The following PKD2 variants were observed in gnomAD, a reference collection of about 807,000 sequenced individuals.
The protein encoded by PKD2 is polycystin 2, transient receptor potential cation channel.
Under a neutral mutation model 105.9 loss-of-function variants are expected in PKD2, and 48 were observed. The ratio of observed to expected loss-of-function variants is 0.45; its 90% CI spans 0.36 to 0.58. PKD2 has a LOEUF of 0.58. PKD2 is among the 20% of genes least tolerant of loss of function. PKD2 has a pLI of 0.00. For synonymous variants in PKD2, 464 were observed against 481.1 expected (o/e 0.96, Z 0.46); for missense variants, 1,078 against 1,255.3 (o/e 0.86, Z 2.13).
intron 10 of PKD2, among the ~76,000 whole-genome samples, chr4:88,063,116 G>A (rs967160180): frequency 2.0e-5 from 3 of 152,242 alleles, no homozygotes; most frequent in Non-Finnish European, 4.4e-5. Flanking sequence ...TCACTGGTCA[G>A]TCATGACACT....
Position 88,029,347 on chromosome 4 carries a change from G to A in PKD2, c.710-6873G>A, listed in dbSNP as rs138306502. Among the ~76,000 whole-genome samples, 108 of 152,088 alleles carry A rather than the reference G, an allele frequency of 7.1e-4. No individual in the cohort carries two copies. In the Middle Eastern group the frequency reaches 0.017, roughly 24 times the overall value. ...AAATAATGCTTCAACTAGTACTTGC[G>A]TGCCAGTGACTCCACGTCCCACTCA... On this transcript the variant is annotated intron_variant, in intron 2 of 14. Transcript: ENST00000237596.
At chr4:88,014,751 A>T (rs1021504812) in intron 1 of PKD2, among the ~76,000 whole-genome samples, 1 of 152,212 alleles carries the variant, frequency 6.6e-6, no homozygotes, top group Non-Finnish European at 1.5e-5. Context: ...GTTCAGATGG[A>T]TTTGAGTCTT....
Position 88,046,714 on chromosome 4 carries a change from A to T in PKD2, c.1392A>T (p.Arg464=). The T allele has an allele frequency of 6.2e-7, 1 of 1,613,664 alleles. No homozygotes were observed. The highest frequency in any genetic ancestry group is 8.5e-7 in the Non-Finnish European group (1 of 1,179,652). Residue 464 remains arginine, a synonymous_variant, in exon 6 of 15, where the codon CGA becomes CGT. Transcript: ENST00000237596. ...AATTTCAGCCTTTAAAGCTGATCCG[A>T]TATGTCACAACTTTTGATTTCTTCC... is the stretch of plus-strand genomic sequence containing the variant. ...SWQFQPLKLI[R]YVTTFDFFLA...
At chr4:88,038,816 G>T (rs2725218) in intron 4 of PKD2, among the ~76,000 whole-genome samples, 2 of 151,932 alleles carry the variant, frequency 1.3e-5, no homozygotes, top group African/African-American at 4.8e-5. Flanking sequence ...TTTTACAGGT[G>T]CAGTAACATC....
intron 2 of PKD2, among the ~76,000 whole-genome samples, chr4:88,030,809 G>C (rs1395919013): frequency 6.6e-6 from 1 of 152,242 alleles, no homozygotes; most frequent in Non-Finnish European, 1.5e-5. Flanking sequence ...CCGACACCTG[G>C]AGAGTCTCAC....
intron 13 of PKD2, among the ~76,000 whole-genome samples, chr4:88,071,685 TAC>T (rs1721038244): frequency 1.3e-5 from 2 of 152,160 alleles, no homozygotes; most frequent in African/African-American, 4.8e-5. Flanking sequence ...TACTTTTTCA[TAC>T]AGTCTGTTTC....
chr4:88,008,336 C>T lies in PKD2; in HGVS notation c.595+8C>T, dbSNP rs1207044000. The stretch of plus-strand genomic sequence containing the variant: ...TGGTTCGCGGGCTGCGAGGTAAGAG[C>T]GCGCGACCCGCAGCGGCAGATGCAC... On this transcript the variant is annotated splice_region_variant and intron_variant, in intron 1 of 14. Coordinates refer to ENST00000237596, the MANE Select transcript of PKD2 (RefSeq NM_000297.4). 2.6e-6 allele frequency: 4 copies of T among 1,512,046 alleles called. No individual in the cohort carries two copies. The highest frequency in any genetic ancestry group is 1.4e-5 in the African/African-American group (1 of 70,534). 93.7% of individuals were successfully genotyped at this position (1,512,046 alleles called of 1,614,324 possible).
chr4:88,025,676 T>A (rs1726934458), intron 2 of PKD2, among the ~76,000 whole-genome samples: 1 of 151,526 alleles, frequency 6.6e-6, no homozygotes, highest in South Asian at 2.1e-4. Context: ...AAAAGTGATG[T>A]GGTTTGACTC....
At chr4:88,013,875 A>G (rs1578114998) in intron 1 of PKD2, among the ~76,000 whole-genome samples, 1 of 152,180 alleles carries the variant, frequency 6.6e-6, no homozygotes, top group South Asian at 2.1e-4. Context: ...AACTCCCACC[A>G]TGGAATGGGC....
intron 9 of PKD2, among the ~76,000 whole-genome samples, 157 bp from the exon 10 acceptor site, chr4:88,061,748 AT>A (rs200078408): frequency 6.0e-4 from 88 of 147,284 alleles, no homozygotes; most frequent in Middle Eastern, 3.5e-3. Context: ...AAAAAAAAAA[AT>A]TTTTTTTTAA....
chr4:88,068,157 T>G (rs1277744275), intron 13 of PKD2, 96 bp downstream of exon 13: 6 of 1,006,724 alleles, frequency 6.0e-6, no homozygotes, highest in Non-Finnish European at 7.9e-6. Flanking sequence ...TTTCCATTAC[T>G]AATCATCCAG....
chr4:88,011,326 C>CTT (rs559421962), intron 1 of PKD2, among the ~76,000 whole-genome samples: 3 of 140,266 alleles, frequency 2.1e-5, no homozygotes, highest in African/African-American at 2.6e-5. Context: ...TATTCTTGGG[C>CTT]TTTTTTTTTT....
intron 12 of PKD2, among the ~76,000 whole-genome samples, chr4:88,067,025 A>G (rs1720819728): frequency 6.6e-6 from 1 of 152,216 alleles, no homozygotes; most frequent in Admixed American, 6.5e-5. Context: ...TTATTCTGAC[A>G]TTACATCTTT....
Position 88,036,361 on chromosome 4 carries a change from C to A in PKD2, c.843+8C>A, listed in dbSNP as rs558168486. 6.2e-7 allele frequency: 1 copy of A among 1,612,066 alleles called. No individual in the cohort carries two copies. The highest frequency in any genetic ancestry group is 1.3e-5 in the African/African-American group (1 of 75,012). Reference sequence around the variant, plus strand: ...ATGGAAGACTTCTGGAAGGTATTTGCAAATAACTTTGAAAGTACCTCTCTA... The same window carrying A: ...ATGGAAGACTTCTGGAAGGTATTTGAAAATAACTTTGAAAGTACCTCTCTA... On this transcript the variant is annotated splice_region_variant and intron_variant, in intron 3 of 14. Coordinates refer to ENST00000237596, the MANE Select transcript of PKD2 (RefSeq NM_000297.4).
At position 88,065,395 on chromosome 4, in the gene PKD2, A is replaced by G. The variant is rs753091616; in HGVS notation, c.2140A>G (p.Lys714Glu). The G allele has an allele frequency of 2.3e-5, 37 of 1,612,514 alleles. No individual in the cohort carries two copies. Among genetic ancestry groups the G allele is most frequent in the African/African-American group, 4.0e-5 (3 of 74,898 alleles). ...ATAGGGCTACCATAAAGCTTTGGTC[A>G]AACTAAAACTGAAAAAAAATACCGT... ...IRKGYHKALV[K>E]LKLKKNTVDD... is the part of the protein sequence containing the mutation. The change falls in exon 11 of 15, where the codon AAA becomes GAA. Residue 714 changes from lysine to glutamate, a missense_variant. Transcript: ENST00000237596.
Position 88,074,729 on chromosome 4 carries a change from T to G in PKD2, c.2523-83T>G. On this transcript the variant is annotated intron_variant, in intron 13 of 14. Transcript: ENST00000237596. Reference sequence around the variant, plus strand: ...GATTGTGTTGCTTAAGAAAAAAATCTTAGCACTTCCTTTTGAAAAGCCAGT... The same window carrying G: ...GATTGTGTTGCTTAAGAAAAAAATCGTAGCACTTCCTTTTGAAAAGCCAGT... The G allele has an allele frequency of 4.8e-6, 7 of 1,444,526 alleles. No individual in the cohort carries two copies. In the South Asian group the frequency reaches 8.0e-5, roughly 17 times the overall value. The allele number at this position is 1,444,526 out of a possible 1,614,324, so 89.5% of individuals were successfully genotyped here. A position where few individuals can be genotyped will look rare whatever the true frequency, so the allele number is the denominator to read the frequency against.
rs1720863519 is a variant in PKD2 at position 88,068,066 on chromosome 4, G to A, written c.2522+5G>A. On this transcript the variant is annotated splice_donor_5th_base_variant and intron_variant, in intron 13 of 14. Coordinates refer to ENST00000237596, the MANE Select transcript of PKD2 (RefSeq NM_000297.4). Reference sequence around the variant, plus strand: ...TTCTTACGAAGAGTTTCAAGTGTAAGTATAAAGGAATTGGCAGAATTTGCG... The same window carrying A: ...TTCTTACGAAGAGTTTCAAGTGTAAATATAAAGGAATTGGCAGAATTTGCG... 1 of 1,613,592 alleles carries A rather than the reference G, an allele frequency of 6.2e-7. No individual in the cohort carries two copies. Among genetic ancestry groups the A allele is most frequent in the East Asian group, 2.2e-5 (1 of 44,872 alleles).
intron 2 of PKD2, among the ~76,000 whole-genome samples, chr4:88,021,266 A>G (rs1028265494): frequency 6.6e-6 from 1 of 152,226 alleles, no homozygotes; most frequent in Admixed American, 6.5e-5. Flanking sequence ...TGGTTTTCCG[A>G]GATCTACTAA....
intron 2 of PKD2, among the ~76,000 whole-genome samples, chr4:88,026,466 T>C (rs898449803): frequency 1.3e-5 from 2 of 152,220 alleles, no homozygotes; most frequent in Non-Finnish European, 2.9e-5. Flanking sequence ...CATACAGTTA[T>C]ATGTGCTCAC....
Sources: gnomAD v4.1 joint callset for allele counts (sites outside exome capture counted in the v4.1 genomes callset) on GRCh38, gnomAD v4.1.1 for gene constraint, MANE v1.5 for transcripts, NCBI Gene and HGNC (gene_info 2026-07-23, HGNC 2026-07-21) for gene names.